CNTNAP2: variants seen among roughly 807,000 people sequenced by gnomAD.
CNTNAP2 encodes the protein contactin-associated protein-like 2.
CNTNAP2 carries 98 observed loss-of-function variants against 155.2 expected under a neutral mutation model. The observed-to-expected ratio is 0.63, with a 90% CI of 0.54 to 0.75. The LOEUF (loss-of-function observed/expected upper bound fraction) is 0.75. Among genes scored for constraint, CNTNAP2 ranks in the 30% least tolerant of loss-of-function variants. The pLI is 0.00. For missense variants in CNTNAP2, 1,727 were observed against 1,688.1 expected (o/e 1.02, Z -0.40); for synonymous variants, 651 against 631.2 (o/e 1.03, Z -0.47).
chr7:146,348,296 G>T (rs1373468745), intron 1 of CNTNAP2, among the ~76,000 whole-genome samples: 1 of 152,042 alleles, frequency 6.6e-6, no homozygotes, highest in African/African-American at 2.4e-5. Context: ...ATGGTGGCAG[G>T]CACCAGTAAT....
intron 3 of CNTNAP2, among the ~76,000 whole-genome samples, chr7:146,920,474 G>C (rs1423411581): frequency 1.3e-5 from 2 of 151,120 alleles, no homozygotes; most frequent in African/African-American, 4.9e-5. Flanking sequence ...ATCTAATCAT[G>C]CCATATTGTA....
chr7:148,193,353 C>T (rs1795229643), intron 18 of CNTNAP2, among the ~76,000 whole-genome samples: 2 of 152,190 alleles, frequency 1.3e-5, no homozygotes, highest in Admixed American at 1.3e-4. Context: ...GGGGCCCACA[C>T]ATATATGTTA....
intron 9 of CNTNAP2, among the ~76,000 whole-genome samples, chr7:147,391,420 G>A (rs1265265956): frequency 6.6e-6 from 1 of 152,066 alleles, no homozygotes; most frequent in Non-Finnish European, 1.5e-5. Flanking sequence ...TGACCATAAA[G>A]TTTGGAAGTC....
intron 15 of CNTNAP2, among the ~76,000 whole-genome samples, chr7:148,054,318 C>T (rs1289617658): frequency 1.3e-5 from 2 of 152,030 alleles, no homozygotes; most frequent in Non-Finnish European, 2.9e-5. Flanking sequence ...TTTCTCTAGG[C>T]AGAGCTTCCT....
intron 13 of CNTNAP2, among the ~76,000 whole-genome samples, chr7:147,732,809 C>T (rs1012793777): frequency 3.3e-5 from 5 of 149,462 alleles, no homozygotes; most frequent in African/African-American, 1.2e-4. Flanking sequence ...ATTTTTTCAT[C>T]ATCTTGGCTG....
At chr7:147,330,941 A>G (rs532329296) in intron 9 of CNTNAP2, among the ~76,000 whole-genome samples, 127 of 152,292 alleles carry the variant, frequency 8.3e-4, no homozygotes, top group African/African-American at 2.1e-3. Flanking sequence ...AAATGAAACT[A>G]TCTGTATTCA....
chr7:146,601,718 T>C (rs1798952636), intron 1 of CNTNAP2, among the ~76,000 whole-genome samples: 1 of 151,590 alleles, frequency 6.6e-6, no homozygotes, highest in Admixed American at 6.6e-5. Flanking sequence ...ACATATAAAG[T>C]CTCAATAAAT....
At chr7:148,175,300 T>C (rs909118327) in intron 18 of CNTNAP2, among the ~76,000 whole-genome samples, 4 of 152,178 alleles carry the variant, frequency 2.6e-5, no homozygotes, top group African/African-American at 9.7e-5. Flanking sequence ...ACATCATTAT[T>C]TTTTCTTCTT....
At chr7:147,382,047 CAATT>C (rs776111158) in intron 9 of CNTNAP2, among the ~76,000 whole-genome samples, 1 of 152,034 alleles carries the variant, frequency 6.6e-6, no homozygotes, top group African/African-American at 2.4e-5. Context: ...TTCATTAAAT[CAATT>C]AATCTAATAA....
At chr7:147,547,434 A>C (rs1457065919) in intron 11 of CNTNAP2, among the ~76,000 whole-genome samples, 2 of 152,042 alleles carry the variant, frequency 1.3e-5, no homozygotes, top group African/African-American at 4.8e-5. Context: ...AACAGGTATT[A>C]CATTCAATCC....
intron 3 of CNTNAP2, among the ~76,000 whole-genome samples, chr7:146,982,294 T>C (rs555568647): frequency 2.0e-5 from 3 of 152,142 alleles, no homozygotes; most frequent in Non-Finnish European, 2.9e-5. Flanking sequence ...CTTTATAAAA[T>C]ATCTTTTAAA....
At chr7:147,632,949 A>C (rs1326247483) in intron 12 of CNTNAP2, among the ~76,000 whole-genome samples, 2 of 152,214 alleles carry the variant, frequency 1.3e-5, no homozygotes, top group Non-Finnish European at 2.9e-5. Context: ...TGCCTCATTC[A>C]AGAGGAAGCA....
intron 21 of CNTNAP2, among the ~76,000 whole-genome samples, chr7:148,280,671 C>A (rs944468112): frequency 6.6e-6 from 1 of 152,134 alleles, no homozygotes; most frequent in African/African-American, 2.4e-5. Context: ...GTAATCCCAG[C>A]ACTTTGGAAG....
At chr7:146,311,080 A>T (rs2129090644) in intron 1 of CNTNAP2, among the ~76,000 whole-genome samples, 1 of 152,312 alleles carries the variant, frequency 6.6e-6, no homozygotes, top group Admixed American at 6.5e-5. Flanking sequence ...GAAGTTAAAA[A>T]AAATCAATTC....
intron 22 of CNTNAP2, among the ~76,000 whole-genome samples, chr7:148,404,510 C>T (rs955888444): frequency 6.6e-6 from 1 of 152,070 alleles, no homozygotes; most frequent in African/African-American, 2.4e-5. Flanking sequence ...CAGGGTACAG[C>T]TCACTCAAAC....
intron 2 of CNTNAP2, among the ~76,000 whole-genome samples, chr7:146,835,168 G>C (rs1219297019): frequency 6.6e-6 from 1 of 152,180 alleles, no homozygotes; most frequent in East Asian, 1.9e-4. Flanking sequence ...ATGGGATTAA[G>C]CAGCTGTATG....
At chr7:147,816,520 A>G (rs1433057782) in intron 13 of CNTNAP2, among the ~76,000 whole-genome samples, 1 of 152,178 alleles carries the variant, frequency 6.6e-6, no homozygotes, top group Non-Finnish European at 1.5e-5. Flanking sequence ...GGAAACCTGG[A>G]TCTTGAGCTA....
At chr7:147,755,869 A>G (rs1242953062) in intron 13 of CNTNAP2, among the ~76,000 whole-genome samples, 2 of 152,168 alleles carry the variant, frequency 1.3e-5, no homozygotes, top group African/African-American at 4.8e-5. Context: ...AATTATGTCA[A>G]AAGTCCTGGT....
intron 11 of CNTNAP2, 103 bp downstream of exon 11, chr7:147,486,144 T>A: frequency 1.2e-6 from 1 of 844,892 alleles, no homozygotes; most frequent in South Asian, 1.6e-5. Flanking sequence ...ACATAATACA[T>A]CACTCGAATC....
Sources: gnomAD v4.1 joint callset for allele counts (sites outside exome capture counted in the v4.1 genomes callset) on GRCh38, gnomAD v4.1.1 for gene constraint, MANE v1.5 for transcripts, NCBI Gene and HGNC (gene_info 2026-07-23, HGNC 2026-07-21) for gene names.